SIPA1L3: variants seen among roughly 807,000 people sequenced by gnomAD.
The protein encoded by SIPA1L3 is signal induced proliferation associated 1 like 3.
In SIPA1L3, 59 loss-of-function variants were observed where a neutral mutation model predicts 150.1. The ratio of observed to expected loss-of-function variants is 0.39; its 90% CI spans 0.32 to 0.49. The LOEUF is 0.49. Among genes scored for constraint, SIPA1L3 ranks in the 20% least tolerant of loss-of-function variants. The probability of loss-of-function intolerance (pLI) is 0.86; values close to 1 mark genes in which losing one functional copy is unlikely to be tolerated. For synonymous variants in SIPA1L3, 1,070 were observed against 1,077.6 expected (o/e 0.99, Z 0.14); for missense variants, 2,211 against 2,489.5 (o/e 0.89, Z 2.38).
chr19:38,162,628 G>T (rs1232262302), intron 14 of SIPA1L3, among the ~76,000 whole-genome samples: 3 of 152,234 alleles, frequency 2.0e-5, no homozygotes, highest in Non-Finnish European at 4.4e-5. Flanking sequence ...TAAATCAGCT[G>T]CTGTAACAGA....
chr19:37,974,383 C>T (rs188011791), intron 1 of SIPA1L3, among the ~76,000 whole-genome samples: 4 of 151,988 alleles, frequency 2.6e-5, no homozygotes, highest in South Asian at 2.1e-4. Context: ...TACAGTGGTA[C>T]GTGCCTATAG....
intron 2 of SIPA1L3, among the ~76,000 whole-genome samples, chr19:38,035,196 T>C (rs1017156120): frequency 9.2e-5 from 14 of 152,318 alleles, no homozygotes; most frequent in African/African-American, 3.4e-4. Flanking sequence ...CTTTCTTCAG[T>C]GAAACTCTCA....
intron 9 of SIPA1L3, among the ~76,000 whole-genome samples, chr19:38,123,842 C>T (rs1335266950): frequency 6.8e-5 from 8 of 117,370 alleles, no homozygotes; most frequent in South Asian, 2.9e-4. Flanking sequence ...TAGGGGTGGC[C>T]GGGCAGAGGC....
intron 1 of SIPA1L3, among the ~76,000 whole-genome samples, chr19:37,996,245 A>G (rs1967636935): frequency 2.6e-5 from 4 of 152,246 alleles, no homozygotes; most frequent in African/African-American, 9.6e-5. Context: ...ATTTACTTAG[A>G]GACAGGGTCT....
chr19:38,083,215 GGAACAGA>G (rs1237128501), intron 3 of SIPA1L3, 116 bp downstream of exon 3: 2 of 1,106,726 alleles, frequency 1.8e-6, no homozygotes, highest in Non-Finnish European at 2.6e-6. Context: ...GGATGTGGCG[GGAACAGA>G]GACCTCCCTT....
chr19:38,017,673 T>G (rs994212500), intron 1 of SIPA1L3, among the ~76,000 whole-genome samples: 2 of 152,116 alleles, frequency 1.3e-5, no homozygotes, highest in African/African-American at 4.8e-5. Flanking sequence ...TACAAGCATG[T>G]GCCACATGCC....
chr19:38,085,975 G>C (rs187727616), intron 3 of SIPA1L3, among the ~76,000 whole-genome samples: 3 of 151,776 alleles, frequency 2.0e-5, no homozygotes, highest in African/African-American at 7.3e-5. Flanking sequence ...CAGCCTGGGC[G>C]ACAGAGTGAG....
intron 6 of SIPA1L3, 107 bp downstream of exon 6, chr19:38,101,333 G>A: frequency 1.3e-6 from 1 of 751,572 alleles, no homozygotes; most frequent in Non-Finnish European, 2.0e-6. Flanking sequence ...GGAGCAGTGG[G>A]AGCTCTCAGA....
At chr19:38,085,186 A>C (rs890265989) in intron 3 of SIPA1L3, among the ~76,000 whole-genome samples, 10 of 152,090 alleles carry the variant, frequency 6.6e-5, no homozygotes, top group Non-Finnish European at 1.5e-4. Context: ...GAAAGGGATA[A>C]AAAAGAAGTT....
chr19:38,138,645 C>G lies in SIPA1L3; in HGVS notation c.3144-2539C>G, dbSNP rs935640103. On this transcript the variant is annotated intron_variant, in intron 10 of 21. Transcript: ENST00000222345. ...GGACGTGGTGCCTCATGCCTGTAAT[C>G]CTAGCACTTTGGGAGGCCAAGGTGG... 1.2e-4 allele frequency among the ~76,000 whole-genome samples: 3 copies of G among 24,426 alleles called. No individual in the cohort carries two copies. In the African/African-American group the frequency reaches 2.0e-3, roughly 16 times the overall value. 16.0% of individuals were successfully genotyped at this position (24,426 alleles called of 152,430 possible). A position where few individuals can be genotyped will look rare whatever the true frequency, so the allele number is the denominator to read the frequency against.
intron 2 of SIPA1L3, among the ~76,000 whole-genome samples, chr19:38,033,987 C>T (rs73038688): frequency 0.016 from 2,389 of 152,266 alleles, 30 homozygotes; most frequent in Middle Eastern, 0.075. Flanking sequence ...GCTTATTTCT[C>T]GCTCACAACA....
intron 1 of SIPA1L3, among the ~76,000 whole-genome samples, chr19:37,946,142 C>T (rs188321509): frequency 1.1e-4 from 17 of 149,546 alleles, no homozygotes; most frequent in East Asian, 1.9e-4. Context: ...GGGACAACAG[C>T]GAGACTTTGT....
At chr19:38,163,943 G>C (rs1972148407) in intron 14 of SIPA1L3, among the ~76,000 whole-genome samples, 1 of 152,188 alleles carries the variant, frequency 6.6e-6, no homozygotes, top group South Asian at 2.1e-4. Flanking sequence ...AGAGACCAGG[G>C]AGGAGGCTGC....
At chr19:38,027,855 C>T (rs1227996744) in intron 1 of SIPA1L3, among the ~76,000 whole-genome samples, 2 of 152,038 alleles carry the variant, frequency 1.3e-5, no homozygotes, top group Non-Finnish European at 2.9e-5. Context: ...ACTGGGCAAC[C>T]TCAGCTAGTG....
chr19:38,159,721 G>A (rs1328415610), intron 13 of SIPA1L3, among the ~76,000 whole-genome samples: 1 of 152,250 alleles, frequency 6.6e-6, no homozygotes, highest in Non-Finnish European at 1.5e-5. Context: ...TCCGAGTCTT[G>A]TTCCACATCT....
intron 1 of SIPA1L3, among the ~76,000 whole-genome samples, chr19:37,910,411 A>T (rs1005278063): frequency 6.6e-5 from 10 of 151,854 alleles, no homozygotes; most frequent in Non-Finnish European, 1.2e-4. Flanking sequence ...TCTACAAAAA[A>T]TTAGTCAGGT....
rs57987208 is a variant in SIPA1L3 at position 37,927,654 on chromosome 19, G to GGTGTGT, written c.-379+20329_-379+20334dup. 4.5e-3 allele frequency among the ~76,000 whole-genome samples: 615 copies of GGTGTGT among 136,818 alleles called. 3 individuals carry two copies. The highest frequency in any genetic ancestry group is 0.022 in the Middle Eastern group (6 of 278). The allele number at this position is 136,818 out of a possible 152,430, so 89.8% of individuals were successfully genotyped here. On this transcript the variant is annotated intron_variant, in intron 1 of 21. Coordinates refer to ENST00000222345, the MANE Select transcript of SIPA1L3 (RefSeq NM_015073.3). ...GCTCCCACTTAGAATAAGAACATGG[G>GGTGTGT]GTGTGTGTGTGTGTGTGTGTGTGTG... is the stretch of plus-strand genomic sequence containing the variant.
At chr19:38,016,036 G>A (rs996635868) in intron 1 of SIPA1L3, among the ~76,000 whole-genome samples, 3 of 152,244 alleles carry the variant, frequency 2.0e-5, no homozygotes, top group African/African-American at 4.8e-5. Flanking sequence ...CACGTGGCTC[G>A]GATCTCTTCT....
chr19:38,059,311 ATTTTTT>A (rs35717284), intron 2 of SIPA1L3, among the ~76,000 whole-genome samples: 1 of 113,930 alleles, frequency 8.8e-6, no homozygotes, highest in Non-Finnish European at 1.7e-5. Context: ...AACAGCTGAG[ATTTTTT>A]TTTTTTTTTT....
Sources: gnomAD v4.1 joint callset for allele counts (sites outside exome capture counted in the v4.1 genomes callset) on GRCh38, gnomAD v4.1.1 for gene constraint, MANE v1.5 for transcripts, NCBI Gene and HGNC (gene_info 2026-07-23, HGNC 2026-07-21) for gene names.